Variants in SLC22A5 observed in about 807,000 individuals in gnomAD.
SLC22A5 encodes organic cation/carnitine transporter 2.
SLC22A5 carries 44 observed loss-of-function variants against 56.7 expected under a neutral mutation model. That is an observed-to-expected ratio of 0.78 (90% CI 0.61 to 1.00). The LOEUF (loss-of-function observed/expected upper bound fraction) is 1.00. Among genes scored for constraint, SLC22A5 ranks in the 50% least tolerant of loss-of-function variants. The pLI is 0.00. For synonymous variants in SLC22A5, 278 were observed against 292.1 expected, an observed-to-expected ratio of 0.95 and a Z score of 0.49; for missense variants, 675 against 723.0, an observed-to-expected ratio of 0.93 and a Z score of 0.76.
chr5:132,391,219 C>T (rs916256911), intron 7 of SLC22A5, among the ~76,000 whole-genome samples: 2 of 151,994 alleles, frequency 1.3e-5, no homozygotes, highest in African/African-American at 4.8e-5. Context: ...TTTTTCCTGG[C>T]CCTGTCTTCT....
At chr5:132,378,951 A>T (rs966366953) in intron 2 of SLC22A5, 4 of 198,000 alleles carry the variant, frequency 2.0e-5, no homozygotes, top group Non-Finnish European at 4.2e-5. Flanking sequence ...CACTAGTGGT[A>T]TGAAAAGCAG....
rs188064519 is a variant in SLC22A5 at position 132,372,255 on chromosome 5, C to G, written c.393+1890C>G. Among the ~76,000 whole-genome samples the G allele has an allele frequency of 1.3e-5, 2 of 152,266 alleles. 1 individual carries two copies. The highest frequency in any genetic ancestry group is 2.9e-5 in the Non-Finnish European group (2 of 68,018). On this transcript the variant is annotated intron_variant, in intron 1 of 9. Coordinates refer to ENST00000245407, the MANE Select transcript of SLC22A5 (RefSeq NM_003060.4). Reference sequence around the variant, plus strand: ...CTCACAGGTGGGTGTGTTACCTTCCCGGAAGCCAGTGAGTACTATGAAAGC... The same window carrying G: ...CTCACAGGTGGGTGTGTTACCTTCCGGGAAGCCAGTGAGTACTATGAAAGC...
At chr5:132,389,542 A>G (rs559148160) in intron 6 of SLC22A5, 1 of 169,566 alleles carries the variant, frequency 5.9e-6, no homozygotes, top group South Asian at 1.4e-4. Context: ...AAAGTATGTC[A>G]GAAAGGGATT....
At chr5:132,370,865 C>G (rs562745026) in intron 1 of SLC22A5, among the ~76,000 whole-genome samples, 22 of 152,252 alleles carry the variant, frequency 1.4e-4, no homozygotes, top group Middle Eastern at 3.4e-3. Context: ...TCTAGTTACT[C>G]CTTCCCCTAC....
At chr5:132,376,913 G>A (rs1752159488) in intron 1 of SLC22A5, 1 of 152,362 alleles carries the variant, frequency 6.6e-6, no homozygotes, top group Admixed American at 6.5e-5. Context: ...CCAGAGAGAT[G>A]GCCTGTGGGT....
rs775861079 is a variant in SLC22A5 at position 132,378,480 on chromosome 5, A to G, written c.496A>G (p.Arg166Gly). 4 of 1,612,260 alleles carry G rather than the reference A, an allele frequency of 2.5e-6. No homozygotes were observed. The Admixed American group carries it at 5.0e-5, about 20-fold the overall frequency. ...CTTCATTTCAGGGCAGCTGTCAGACAGGTAAGGTGTCTGTCTTCTGGAGCA... is the reference window on the plus strand; with the variant it reads ...CTTCATTTCAGGGCAGCTGTCAGACGGGTAAGGTGTCTGTCTTCTGGAGCA... Reference protein sequence around the residue: ...GSFISGQLSDRFGRKNVLFVT... With the variant: ...GSFISGQLSDGFGRKNVLFVT... Residue 166 changes from arginine (R) to glycine (G), a missense_variant and splice_region_variant, in exon 2 of 10, where the codon AGG becomes GGG. Arg to Gly is a moderately radical substitution (Grantham distance 125). Transcript: ENST00000245407.
chr5:132,371,750 A>G (rs1221619865), intron 1 of SLC22A5, among the ~76,000 whole-genome samples: 4 of 152,080 alleles, frequency 2.6e-5, no homozygotes, highest in African/African-American at 9.7e-5. Context: ...CAGCAGCAAG[A>G]AACCACCCAG....
In SLC22A5 at chr5:132,384,169, T is replaced by C. The variant is rs776118000; in HGVS notation, c.520T>C (p.Phe174Leu). 1.2e-6 allele frequency: 2 copies of C among 1,614,264 alleles called. No individual in the cohort carries two copies. The highest frequency in any genetic ancestry group is 1.1e-5 in the South Asian group (1 of 91,090). Reference protein sequence around the residue: ...SDRFGRKNVLFVTMGMQTGFS... With the variant: ...SDRFGRKNVLLVTMGMQTGFS... ...CAGGTTTGGCCGGAAGAATGTGCTG[T>C]TCGTGACCATGGGCATGCAGACAGG... is the stretch of plus-strand genomic sequence containing the variant. The change falls in exon 3 of 10, where the codon TTC (phenylalanine) becomes CTC (leucine). Residue 174 changes from phenylalanine to leucine, a missense_variant. Coordinates refer to ENST00000245407, the MANE Select transcript of SLC22A5 (RefSeq NM_003060.4).
In SLC22A5 at chr5:132,385,506, G is replaced by T; in HGVS notation, c.824+7G>T. ...TATGCGTGGCACTCTGGTGGTGAGT[G>T]TGACCTTGTGCCCCATGTGCCCACT... On this transcript the variant is annotated splice_region_variant and intron_variant, in intron 4 of 9. Transcript: ENST00000245407. The T allele has an allele frequency of 6.2e-7, 1 of 1,613,722 alleles. No individual in the cohort carries two copies. Among genetic ancestry groups the T allele is most frequent in the Non-Finnish European group, 8.5e-7 (1 of 1,179,612 alleles).
At chr5:132,392,222 G>A (rs1401994851) in intron 7 of SLC22A5, among the ~76,000 whole-genome samples, 1 of 152,190 alleles carries the variant, frequency 6.6e-6, no homozygotes, top group Non-Finnish European at 1.5e-5. Flanking sequence ...CCAGGTTGAG[G>A]AAAGTGCATG....
intron 7 of SLC22A5, 76 bp from the exon 8 acceptor site, chr5:132,392,357 T>A: frequency 7.3e-7 from 1 of 1,369,642 alleles, no homozygotes; most frequent in Admixed American, 1.7e-5. Flanking sequence ...GGGAAGAAAG[T>A]ATGTTTGTTT....
In SLC22A5 at chr5:132,394,219, A is replaced by T. The variant is rs758158685; in HGVS notation, c.1621A>T (p.Met541Leu). Residue 541 changes from methionine to leucine, a missense_variant, in exon 10 of 10, where the codon ATG (methionine) becomes TTG (leucine). Transcript: ENST00000245407. ...KHRKTPSHTR[M>L]LKDGQERPTI... is the part of the protein sequence containing the mutation. ...CAGAAAAACTCCAAGTCACACAAGGATGTTAAAAGATGGTCAAGAAAGGCC... is the reference window on the plus strand; with the variant it reads ...CAGAAAAACTCCAAGTCACACAAGGTTGTTAAAAGATGGTCAAGAAAGGCC... The T allele has an allele frequency of 4.3e-6, 7 of 1,613,768 alleles. No homozygotes were observed. The Admixed American group carries it at 8.3e-5, about 19-fold the overall frequency.
chr5:132,372,926 A>T (rs1304705455), intron 1 of SLC22A5, among the ~76,000 whole-genome samples: 1 of 152,176 alleles, frequency 6.6e-6, no homozygotes, highest in East Asian at 1.9e-4. Context: ...TTGTAAGTAC[A>T]CTGGTATTGA....
At position 132,387,055 on chromosome 5, in the gene SLC22A5, C is replaced by G. The variant is rs1752556365; in HGVS notation, c.855C>G (p.Ile285Met). 6.2e-7 allele frequency: 1 copy of G among 1,614,008 alleles called. No individual in the cohort carries two copies. Among genetic ancestry groups the G allele is most frequent in the Non-Finnish European group, 8.5e-7 (1 of 1,179,944 alleles). The change falls in exon 5 of 10, where the codon ATC (isoleucine) becomes ATG (methionine). Residue 285 changes from isoleucine (I) to methionine (M), a missense_variant. Physicochemically the swap from Ile to Met is conservative, Grantham distance 10. Transcript: ENST00000245407. ...TCCCTGAGTCCCCCCGATGGCTCAT[C>G]TCTCAGGGACGATTTGAAGAGGCAG... ...WFIPESPRWLISQGRFEEAEV... is the reference protein window; with the variant it reads ...WFIPESPRWLMSQGRFEEAEV...
chr5:132,394,144 T>G, intron 9 of SLC22A5, 41 bp from the exon 10 acceptor site: 1 of 1,342,320 alleles, frequency 7.4e-7, no homozygotes, highest in South Asian at 1.2e-5. Context: ...GAGGCATCTT[T>G]TTAAAATGTG....
Position 132,370,383 on chromosome 5 carries a change from C to T in SLC22A5, c.393+18C>T, listed in dbSNP as rs1751862589. On this transcript the variant is annotated intron_variant, in intron 1 of 9. Coordinates refer to ENST00000245407, the MANE Select transcript of SLC22A5 (RefSeq NM_003060.4). ...TGACCGAGGTGGGTGCCGGCCCCTG[C>T]TGGGGCTGAGACCAGGGCTCGGAGG... is the stretch of plus-strand genomic sequence containing the variant. 6.2e-7 allele frequency: 1 copy of T among 1,610,778 alleles called. No homozygotes were observed. The highest frequency in any genetic ancestry group is 8.5e-7 in the Non-Finnish European group (1 of 1,179,230).
intron 1 of SLC22A5, among the ~76,000 whole-genome samples, chr5:132,375,876 A>G (rs989128980): frequency 3.3e-5 from 5 of 152,188 alleles, no homozygotes; most frequent in African/African-American, 1.2e-4. Flanking sequence ...TTAAACCCAC[A>G]CATTCCATTT....
intron 1 of SLC22A5, among the ~76,000 whole-genome samples, chr5:132,371,564 C>G (rs998672214): frequency 6.6e-6 from 1 of 151,970 alleles, no homozygotes. Context: ...ACTCTAGCTC[C>G]CTGAAGTTTC....
At chr5:132,379,838 GA>G (rs1182120093) in intron 2 of SLC22A5, 1 of 152,154 alleles carries the variant, frequency 6.6e-6, no homozygotes, top group Non-Finnish European at 1.5e-5. Flanking sequence ...CTACTTTACA[GA>G]TGGAGAAAGT....
Sources: gnomAD v4.1 joint callset for allele counts (sites outside exome capture counted in the v4.1 genomes callset) on GRCh38, gnomAD v4.1.1 for gene constraint, MANE v1.5 for transcripts, NCBI Gene and HGNC (gene_info 2026-07-23, HGNC 2026-07-21) for gene names.